DNMBP: variants seen among roughly 807,000 people sequenced by gnomAD.
DNMBP encodes dynamin-binding protein.
A neutral mutation model predicts 150.0 loss-of-function variants in DNMBP; 87 were observed. That is an observed-to-expected ratio of 0.58 (90% CI 0.49 to 0.69). The LOEUF (loss-of-function observed/expected upper bound fraction) is 0.69, where lower values mean the gene tolerates loss of function less well. Ranked by LOEUF, DNMBP falls within the 30% of genes least tolerant of loss-of-function variation. The pLI, the probability that DNMBP is intolerant of heterozygous loss-of-function variation, is 0.00. For missense variants in DNMBP, 1,774 were observed against 1,949.0 expected, an observed-to-expected ratio of 0.91 and a Z score of 1.69; for synonymous variants, 711 against 750.4, an observed-to-expected ratio of 0.95 and a Z score of 0.86.
At chr10:100,009,654 C>T (rs1382981927) in intron 1 of DNMBP, among the ~76,000 whole-genome samples, 184 bp downstream of exon 1, 1 of 151,892 alleles carries the variant, frequency 6.6e-6, no homozygotes, top group Non-Finnish European at 1.5e-5. Flanking sequence ...CTGTCCCTCG[C>T]GGGCTCCTGG....
intron 3 of DNMBP, among the ~76,000 whole-genome samples, chr10:99,966,311 G>A (rs7909479): frequency 0.47 from 70,856 of 152,030 alleles, 17,492 homozygotes; most frequent in African/African-American, 0.63. Flanking sequence ...CTCTTTCCCA[G>A]TGTATCCCCC....
chr10:99,930,745 C>T (rs1431337664), intron 4 of DNMBP: 3 of 673,642 alleles, frequency 4.5e-6, no homozygotes, highest in Non-Finnish European at 8.0e-6. Context: ...TCTTTTCTAG[C>T]CTTCTGGGTT....
intron 1 of DNMBP, among the ~76,000 whole-genome samples, chr10:100,003,548 T>G (rs2041038428): frequency 6.6e-6 from 1 of 152,134 alleles, no homozygotes; most frequent in Non-Finnish European, 1.5e-5. Context: ...GAAAGACACA[T>G]TATATGCTCT....
chr10:99,930,679 C>T lies in DNMBP; in HGVS notation c.2261-21533G>A, dbSNP rs772173938. On this transcript the variant is annotated intron_variant, in intron 4 of 16. Transcript: ENST00000324109. ...GTAAGGTTCCTTTTCCGTACACTCCCGTAGTCTTCATACTCCCAGCTGGAG... is the reference window on the plus strand; with the variant it reads ...GTAAGGTTCCTTTTCCGTACACTCCTGTAGTCTTCATACTCCCAGCTGGAG... 5 of 702,044 alleles carry T rather than the reference C, an allele frequency of 7.1e-6. No homozygotes were observed. In the East Asian group the frequency reaches 1.1e-4, roughly 15 times the overall value. 43.5% of individuals were successfully genotyped at this position (702,044 alleles called of 1,614,324 possible). A position where few individuals can be genotyped will look rare whatever the true frequency, so the allele number is the denominator to read the frequency against.
intron 1 of DNMBP, among the ~76,000 whole-genome samples, chr10:99,985,147 A>C (rs909644073): frequency 6.6e-6 from 1 of 152,144 alleles, no homozygotes; most frequent in African/African-American, 2.4e-5. Flanking sequence ...GGGAGGAAAC[A>C]AACTGTCCAA....
intron 1 of DNMBP, among the ~76,000 whole-genome samples, chr10:99,995,029 T>C (rs12256969): frequency 0.066 from 10,005 of 151,744 alleles, 462 homozygotes; most frequent in African/African-American, 0.13. Context: ...CAGCTGGGCA[T>C]GCGCCACTGT....
intron 1 of DNMBP, among the ~76,000 whole-genome samples, chr10:99,990,610 TAAAAAA>T (rs34272087): frequency 9.6e-6 from 1 of 104,224 alleles, no homozygotes; most frequent in Non-Finnish European, 2.0e-5. Context: ...AATTAATGAA[TAAAAAA>T]AAAAAAAAGG....
At chr10:99,938,694 A>G (rs1240143200) in intron 4 of DNMBP, among the ~76,000 whole-genome samples, 1 of 152,242 alleles carries the variant, frequency 6.6e-6, no homozygotes, top group Non-Finnish European at 1.5e-5. Context: ...CCTCAGCTTT[A>G]TCTCCACACT....
intron 4 of DNMBP, among the ~76,000 whole-genome samples, chr10:99,952,079 T>C (rs746766085): frequency 6.6e-6 from 1 of 151,872 alleles, no homozygotes; most frequent in African/African-American, 2.4e-5. Context: ...TCTGATGGTT[T>C]TGAAAAATGG....
At chr10:99,996,504 A>G (rs1209052745) in intron 1 of DNMBP, among the ~76,000 whole-genome samples, 1 of 152,248 alleles carries the variant, frequency 6.6e-6, no homozygotes, top group Non-Finnish European at 1.5e-5. Context: ...TGAGTGACAA[A>G]GCGAGACTCC....
intron 11 of DNMBP, among the ~76,000 whole-genome samples, chr10:99,890,044 T>G (rs532973081): frequency 1.3e-5 from 2 of 152,328 alleles, no homozygotes; most frequent in African/African-American, 4.8e-5. Flanking sequence ...GCCTCATACA[T>G]TGGTTTGATG....
At chr10:99,935,014 T>G (rs1589427062) in intron 4 of DNMBP, among the ~76,000 whole-genome samples, 1 of 109,474 alleles carries the variant, frequency 9.1e-6, no homozygotes, top group Non-Finnish European at 1.7e-5. Context: ...TGAGCCCGGG[T>G]GGTCAAGGCT....
At chr10:99,964,135 CTTTTTTTTTTTTTT>C (rs895801002) in intron 3 of DNMBP, among the ~76,000 whole-genome samples, 5 of 87,238 alleles carry the variant, frequency 5.7e-5, no homozygotes, top group Admixed American at 1.5e-4. Context: ...TATTCTCTCT[CTTTTTTTTTTTTTT>C]TTTTTTTTTT....
At chr10:99,904,778 G>T (rs900507800) in intron 6 of DNMBP, among the ~76,000 whole-genome samples, 1 of 152,134 alleles carries the variant, frequency 6.6e-6, no homozygotes, top group African/African-American at 2.4e-5. Context: ...AAGGGAAGAA[G>T]AAAAAATAAA....
At chr10:99,962,441 C>T (rs2040574604) in intron 3 of DNMBP, among the ~76,000 whole-genome samples, 1 of 152,122 alleles carries the variant, frequency 6.6e-6, no homozygotes, top group South Asian at 2.1e-4. Context: ...ACCATCCTGG[C>T]TAACACGGTG....
Position 99,908,933 on chromosome 10 carries a change from C to T in DNMBP, c.2454+20G>A. The T allele has an allele frequency of 6.2e-7, 1 of 1,604,728 alleles. No homozygotes were observed. Among genetic ancestry groups the T allele is most frequent in the Non-Finnish European group, 8.5e-7 (1 of 1,174,438 alleles). On this transcript the variant is annotated intron_variant, in intron 5 of 16. Transcript: ENST00000324109. ...AGGACCATATTCAAGGTCAAACTAA[C>T]TCTGTCTCCCAGTTCCCACCTGTGC... is the stretch of plus-strand genomic sequence containing the variant.
chr10:99,880,391 A>G (rs1196268624), intron 15 of DNMBP, 30 bp from the exon 16 acceptor site: 2 of 1,520,504 alleles, frequency 1.3e-6, no homozygotes, highest in East Asian at 2.3e-5. Context: ...TATAAACAAG[A>G]ACTCTTAGCA....
chr10:99,927,797 T>A (rs1434528728), intron 4 of DNMBP, among the ~76,000 whole-genome samples: 3 of 152,162 alleles, frequency 2.0e-5, no homozygotes, highest in Admixed American at 6.5e-5. Context: ...GGAACCGAGC[T>A]GGTTTCAGGG....
At chr10:99,882,616 C>A (rs1414448411) in intron 15 of DNMBP, among the ~76,000 whole-genome samples, 1 of 151,960 alleles carries the variant, frequency 6.6e-6, no homozygotes, top group Non-Finnish European at 1.5e-5. Context: ...TAGATATGAA[C>A]AAGTATGTGT....
Sources: allele counts gnomAD v4.1 joint callset (sites outside exome capture counted in the v4.1 genomes callset), GRCh38; gene constraint gnomAD v4.1.1; transcripts MANE v1.5; gene names NCBI Gene and HGNC (gene_info 2026-07-23, HGNC 2026-07-21).